NCKIPSD: variants seen among roughly 807,000 people sequenced by gnomAD.
NCKIPSD encodes the protein NCK-interacting protein with SH3 domain.
A neutral mutation model predicts 73.4 loss-of-function variants in NCKIPSD; 48 were observed. The observed-to-expected ratio is 0.65, with a 90% CI of 0.52 to 0.83. NCKIPSD has a LOEUF of 0.83. NCKIPSD is among the 40% of genes least tolerant of loss of function. NCKIPSD has a pLI of 0.00. For synonymous variants in NCKIPSD, 422 were observed against 403.6 expected (o/e 1.05, Z -0.54); for missense variants, 884 against 970.2 (o/e 0.91, Z 1.18).
At position 48,674,338 on chromosome 3, in the gene NCKIPSD, C is replaced by A. The variant is rs1319736502; in HGVS notation, c.*206G>T. The A allele has an allele frequency of 2.1e-6, 3 of 1,420,956 alleles. No individual in the cohort carries two copies. The highest frequency in any genetic ancestry group is 2.8e-6 in the Non-Finnish European group (3 of 1,090,108). 88.0% of individuals were successfully genotyped at this position (1,420,956 alleles called of 1,614,324 possible). On this transcript the variant is annotated 3_prime_UTR_variant, in exon 13 of 13. Coordinates refer to ENST00000294129, the MANE Select transcript of NCKIPSD (RefSeq NM_016453.4). Reference sequence around the variant, plus strand: ...ATAGAGGGGCTTTAGCTTGCATATTCCCCCTGCCCCAGAACAGCTCCCAGA... The same window carrying A: ...ATAGAGGGGCTTTAGCTTGCATATTACCCCTGCCCCAGAACAGCTCCCAGA...
At chr3:48,684,881 A>C (rs2077410951) in intron 1 of NCKIPSD, among the ~76,000 whole-genome samples, 1 of 152,146 alleles carries the variant, frequency 6.6e-6, no homozygotes, top group South Asian at 2.1e-4. Flanking sequence ...TTTTCAAAGC[A>C]AGAAAGTTTG....
chr3:48,685,537 CG>C, intron 1 of NCKIPSD, 99 bp downstream of exon 1: 1 of 1,378,818 alleles, frequency 7.3e-7, no homozygotes, highest in Non-Finnish European at 9.5e-7. Flanking sequence ...GTCCTGGCCT[CG>C]GGTCCCGGAG....
intron 3 of NCKIPSD, 30 bp from the exon 4 acceptor site, chr3:48,682,186 C>T (rs374639397): frequency 1.9e-6 from 3 of 1,586,734 alleles, no homozygotes; most frequent in Admixed American, 3.4e-5. Flanking sequence ...TCTTGGAGGA[C>T]AGACTGACAT....
At chr3:48,684,306 T>C (rs563997156) in intron 1 of NCKIPSD, among the ~76,000 whole-genome samples, 2 of 152,278 alleles carry the variant, frequency 1.3e-5, no homozygotes, top group African/African-American at 4.8e-5. Flanking sequence ...TGGTCCTGGC[T>C]GGCGGCAGGG....
intron 12 of NCKIPSD, among the ~76,000 whole-genome samples, chr3:48,675,377 T>C (rs895831968): frequency 2.6e-5 from 4 of 151,542 alleles, no homozygotes; most frequent in African/African-American, 9.7e-5. Flanking sequence ...ATCCAAGCCA[T>C]GTCTAAGACC....
chr3:48,682,378 C>T lies in NCKIPSD; in HGVS notation c.456G>A (p.Glu152=). The T allele has an allele frequency of 6.2e-7, 1 of 1,614,080 alleles. No individual in the cohort carries two copies. ...FERQHSLPSS[E]HLGADGGLYQ... is the part of the protein sequence containing the mutation. ...AGAGGCCTCCATCTGCCCCAAGATG[C>T]TCAGAACTGGGTAGGCTGTGCTGCC... Residue 152 remains glutamate (E), a synonymous_variant, in exon 3 of 13, where the codon GAG becomes GAA. Transcript: ENST00000294129.
Position 48,685,713 on chromosome 3 carries a change from G to A in NCKIPSD, c.95C>T (p.Ala32Val), listed in dbSNP as rs1250632558. 4.6e-6 allele frequency: 7 copies of A among 1,529,500 alleles called. No homozygotes were observed. Among genetic ancestry groups the A allele is most frequent in the South Asian group, 1.2e-5 (1 of 83,726 alleles). 94.7% of individuals were successfully genotyped at this position (1,529,500 alleles called of 1,614,324 possible). A position where few individuals can be genotyped will look rare whatever the true frequency, so the allele number is the denominator to read the frequency against. Residue 32 changes from alanine (A) to valine (V), a missense_variant, in exon 1 of 13, where the codon GCG (alanine) becomes GTG (valine). By Grantham distance (64) the Ala-to-Val change is moderately conservative. Coordinates refer to ENST00000294129, the MANE Select transcript of NCKIPSD (RefSeq NM_016453.4). ...CGCCCGCGCGGCCAGCCACCAGTGC[G>A]CGCTGCTTCGCTCTAGCACCAGGAA... ...ETFLVLERSS[A>V]HWWLAARARS...
chr3:48,679,328 G>C (rs1042385684), intron 9 of NCKIPSD, 49 bp downstream of exon 9: 2 of 1,613,002 alleles, frequency 1.2e-6, no homozygotes, highest in Non-Finnish European at 1.7e-6. Flanking sequence ...TCGGGCAATG[G>C]GCCCTGGCTT....
In NCKIPSD at chr3:48,673,982, G is replaced by C; in HGVS notation, c.*562C>G. 9.3e-7 allele frequency: 1 copy of C among 1,069,706 alleles called. No homozygotes were observed. Among genetic ancestry groups the C allele is most frequent in the Non-Finnish European group, 1.1e-6 (1 of 881,402 alleles). The allele number at this position is 1,069,706 out of a possible 1,614,324, so 66.3% of individuals were successfully genotyped here. A position where few individuals can be genotyped will look rare whatever the true frequency, so the allele number is the denominator to read the frequency against. Reference sequence around the variant, plus strand: ...CAGTGCCATCATCCTGTTCCATGAGGCTCCAGGATGGATGGCCTGTCTCCA... The same window carrying C: ...CAGTGCCATCATCCTGTTCCATGAGCCTCCAGGATGGATGGCCTGTCTCCA... On this transcript the variant is annotated 3_prime_UTR_variant, in exon 13 of 13. Transcript: ENST00000294129.
chr3:48,678,107 A>G (rs1001191133), intron 12 of NCKIPSD, among the ~76,000 whole-genome samples: 1 of 152,042 alleles, frequency 6.6e-6, no homozygotes, highest in African/African-American at 2.4e-5. Context: ...TCCACTTACT[A>G]AACACTCCAC....
intron 1 of NCKIPSD, among the ~76,000 whole-genome samples, chr3:48,685,221 G>C (rs1471176011): frequency 7.1e-6 from 1 of 141,540 alleles, no homozygotes; most frequent in Admixed American, 7.0e-5. Context: ...GAGGGAGGGA[G>C]GGAGGGAGGT....
At chr3:48,683,053 A>G in intron 1 of NCKIPSD, 41 bp from the exon 2 acceptor site, 1 of 1,545,514 alleles carries the variant, frequency 6.5e-7, no homozygotes, top group Non-Finnish European at 8.7e-7. Flanking sequence ...TGAAGGCCAA[A>G]CGGAGGTGCT....
chr3:48,680,621 C>T (rs2077335320), intron 5 of NCKIPSD, among the ~76,000 whole-genome samples: 1 of 152,154 alleles, frequency 6.6e-6, no homozygotes, highest in Admixed American at 6.5e-5. Context: ...AGCTGTTGTG[C>T]CCAGCACAGC....
chr3:48,684,460 A>G (rs2077404701), intron 1 of NCKIPSD, among the ~76,000 whole-genome samples: 1 of 151,974 alleles, frequency 6.6e-6, no homozygotes, highest in Admixed American at 6.6e-5. Context: ...CACCCCTGGC[A>G]CTCCTAGATG....
At chr3:48,683,102 A>T (rs2077382594) in intron 1 of NCKIPSD, 90 bp from the exon 2 acceptor site, 1 of 1,536,356 alleles carries the variant, frequency 6.5e-7, no homozygotes, top group East Asian at 2.4e-5. Context: ...CAGGGCAGAG[A>T]ACCAATATAG....
rs1431533661 is a variant in NCKIPSD at position 48,679,789 on chromosome 3, T to A, written c.1350+12A>T. 6.2e-7 allele frequency: 1 copy of A among 1,614,168 alleles called. No individual in the cohort carries two copies. Among genetic ancestry groups the A allele is most frequent in the East Asian group, 2.2e-5 (1 of 44,888 alleles). Reference sequence around the variant, plus strand: ...GTCTCTCCATTACCCCTCCCCTCCATCCTGCACATACCATTTGGTAATAGG... The same window carrying A: ...GTCTCTCCATTACCCCTCCCCTCCAACCTGCACATACCATTTGGTAATAGG... On this transcript the variant is annotated intron_variant, in intron 7 of 12. Coordinates refer to ENST00000294129, the MANE Select transcript of NCKIPSD (RefSeq NM_016453.4).
chr3:48,677,225 C>A (rs543926293), intron 12 of NCKIPSD, among the ~76,000 whole-genome samples: 1 of 151,170 alleles, frequency 6.6e-6, no homozygotes, highest in African/African-American at 2.4e-5. Context: ...CCTGTCTCTG[C>A]TAAAATATAA....
Position 48,680,081 on chromosome 3 carries a change from AG to A in NCKIPSD, c.1240del (p.Leu414Ter). The A allele has an allele frequency of 6.2e-7, 1 of 1,613,438 alleles. No individual in the cohort carries two copies. Among genetic ancestry groups the A allele is most frequent in the Non-Finnish European group, 8.5e-7 (1 of 1,179,522 alleles). On this transcript the variant is annotated frameshift_variant, in exon 6 of 13. Coordinates refer to ENST00000294129, the MANE Select transcript of NCKIPSD (RefSeq NM_016453.4). LOFTEE classifies it high-confidence loss of function. The stretch of plus-strand genomic sequence containing the variant: ...TACCAGAATATGCAGCAGCTCCTCT[AG>A]GTAGCAGCGGATGACACCCTCATCC... Reference protein sequence around the residue: ...YEDEGVIRCYLEELLHILTDA... With the variant: ...YEDEGVIRCYXEELLHILTDA...
In NCKIPSD at chr3:48,682,097, C is replaced by T. The variant is rs771858876; in HGVS notation, c.546G>A (p.Pro182=). ...PQPRRAAPTT[P]PPPVKRRDRE... ...GGTCTCGGCGCTTCACTGGTGGGGG[C>T]GGTGTGGTGGGTGCTGCTCGGCGAG... is the stretch of plus-strand genomic sequence containing the variant. Residue 182 remains proline, a synonymous_variant, in exon 4 of 13, where the codon CCG becomes CCA. Transcript: ENST00000294129. The T allele has an allele frequency of 3.3e-5, 53 of 1,601,526 alleles. No homozygotes were observed. The highest frequency in any genetic ancestry group is 5.5e-5 in the South Asian group (5 of 90,990).
Sources: allele counts gnomAD v4.1 joint callset (sites outside exome capture counted in the v4.1 genomes callset), GRCh38; gene constraint gnomAD v4.1.1; transcripts MANE v1.5; gene names NCBI Gene and HGNC (gene_info 2026-07-23, HGNC 2026-07-21).